CDH18: variants seen among roughly 807,000 people sequenced by gnomAD.
CDH18 encodes the protein cadherin-18.
In CDH18, 31 loss-of-function variants were observed where a neutral mutation model predicts 67.9. The ratio of observed to expected loss-of-function variants is 0.46; its 90% CI spans 0.34 to 0.62. The LOEUF (loss-of-function observed/expected upper bound fraction) is 0.62. CDH18 is among the 20% of genes least tolerant of loss of function. The pLI, the probability that CDH18 is intolerant of heterozygous loss-of-function variation, is 0.01. For missense variants in CDH18, 890 were observed against 975.5 expected (o/e 0.91, Z 1.17); for synonymous variants, 362 against 347.2 (o/e 1.04, Z -0.48).
chr5:20,485,888 T>C (rs115686548), intron 1 of CDH18, among the ~76,000 whole-genome samples: 145 of 152,284 alleles, frequency 9.5e-4, no homozygotes, highest in African/African-American at 3.3e-3. Flanking sequence ...TAAACCAGGC[T>C]ATTTTGAAGT....
chr5:20,539,017 T>G (rs1023216965), intron 1 of CDH18, among the ~76,000 whole-genome samples: 1 of 146,400 alleles, frequency 6.8e-6, no homozygotes, highest in East Asian at 2.2e-4. Flanking sequence ...TACTCCCAAG[T>G]AGCTGGGATT....
At chr5:19,694,488 T>C (rs1000315972) in intron 5 of CDH18, among the ~76,000 whole-genome samples, 15 of 152,194 alleles carry the variant, frequency 9.9e-5, no homozygotes, top group African/African-American at 3.4e-4. Context: ...GGACATGTCT[T>C]AAATCACACT....
intron 2 of CDH18, among the ~76,000 whole-genome samples, chr5:20,029,260 T>G (rs1173940202): frequency 6.6e-6 from 1 of 152,152 alleles, no homozygotes. Context: ...AGGTGATTGT[T>G]GCAAAGTTCA....
Position 19,483,409 on chromosome 5 carries a change from C to G in CDH18, c.1774G>C (p.Glu592Gln), listed in dbSNP as rs544232876. 6 of 1,614,074 alleles carry G rather than the reference C, an allele frequency of 3.7e-6. No homozygotes were observed. In the South Asian group the frequency reaches 5.5e-5, roughly 15 times the overall value. The part of the protein sequence containing the change: ...STLTIRVCAC[E>Q]RDGRVRTCHA... ...CAGGTCCGCACACGCCCATCTCTCTCGCATGCACAAACCCTGATGGTGAGG... is the reference window on the plus strand; with the variant it reads ...CAGGTCCGCACACGCCCATCTCTCTGGCATGCACAAACCCTGATGGTGAGG... The change falls in exon 12 of 13, where the codon GAG becomes CAG. Residue 592 changes from glutamate (E) to glutamine (Q), a missense_variant. Physicochemically the swap from Glu to Gln is conservative, Grantham distance 29. Coordinates refer to ENST00000382275, the MANE Select transcript of CDH18 (RefSeq NM_004934.5).
chr5:19,948,877 T>C (rs1462148357), intron 2 of CDH18, among the ~76,000 whole-genome samples: 2 of 152,164 alleles, frequency 1.3e-5, no homozygotes, highest in Non-Finnish European at 2.9e-5. Flanking sequence ...TGCCCAGAGT[T>C]TGCTCAAGAA....
chr5:20,536,341 CT>C (rs1323721880), intron 1 of CDH18, among the ~76,000 whole-genome samples: 2 of 152,002 alleles, frequency 1.3e-5, no homozygotes, highest in Non-Finnish European at 2.9e-5. Context: ...TGGTGTTCTT[CT>C]GTATTTTTAT....
intron 5 of CDH18, among the ~76,000 whole-genome samples, chr5:19,622,202 G>A (rs1346842315): frequency 2.0e-5 from 3 of 152,156 alleles, no homozygotes; most frequent in Non-Finnish European, 4.4e-5. Flanking sequence ...GGTCCGCATT[G>A]TAGGGAATTT....
At position 19,727,937 on chromosome 5, in the gene CDH18, G is replaced by A. The variant is rs116739866; in HGVS notation, c.524-6471C>T. On this transcript the variant is annotated intron_variant, in intron 4 of 12. Transcript: ENST00000382275. The stretch of plus-strand genomic sequence containing the variant: ...ACTTTAATAAAGAATTTTATCACTC[G>A]TTAAAAGTTCAAGTGAAACGGATTA... 8.2e-3 allele frequency among the ~76,000 whole-genome samples: 1,244 copies of A among 152,094 alleles called. 9 individuals are homozygous for A. The highest frequency in any genetic ancestry group is 0.013 in the Non-Finnish European group (882 of 67,988).
intron 5 of CDH18, among the ~76,000 whole-genome samples, chr5:19,707,196 G>A (rs1318981258): frequency 6.6e-6 from 1 of 152,072 alleles, no homozygotes; most frequent in African/African-American, 2.4e-5. Context: ...CATTGCTCAA[G>A]TTCATGCTGA....
In CDH18 at chr5:20,270,178, C is replaced by T. The variant is rs571338920; in HGVS notation, c.-579-14673G>A. Among the ~76,000 whole-genome samples the T allele has an allele frequency of 2.6e-5, 4 of 151,590 alleles. No individual in the cohort carries two copies. The South Asian group carries it at 6.2e-4, about 24-fold the overall frequency. On this transcript the variant is annotated intron_variant, in intron 1 of 14. Transcript: ENST00000507958. ...TTGTTTAAAAAAAAAAGAATAAAGA[C>T]ATAAATCACCTAGTTGCAATGTGAA...
At chr5:19,609,072 A>C (rs895318250) in intron 6 of CDH18, among the ~76,000 whole-genome samples, 9 of 151,998 alleles carry the variant, frequency 5.9e-5, no homozygotes, top group African/African-American at 2.2e-4. Flanking sequence ...GTTATGCAAC[A>C]ACCATAACCC....
At chr5:19,562,908 A>G (rs139839448) in intron 8 of CDH18, among the ~76,000 whole-genome samples, 126 of 152,272 alleles carry the variant, frequency 8.3e-4, no homozygotes, top group African/African-American at 3.0e-3. Flanking sequence ...AGGGACTCCA[A>G]CTTTTTTTAT....
intron 2 of CDH18, among the ~76,000 whole-genome samples, chr5:20,128,467 T>C (rs1749005827): frequency 6.6e-6 from 1 of 152,084 alleles, no homozygotes. Context: ...CCATGGAGCT[T>C]ATCTTTACAG....
chr5:19,561,656 T>G (rs1020916423), intron 8 of CDH18, among the ~76,000 whole-genome samples: 10 of 152,092 alleles, frequency 6.6e-5, no homozygotes, highest in African/African-American at 2.4e-4. Flanking sequence ...CCTATTGAAT[T>G]TTTTTTAAAT....
At chr5:20,464,562 C>G (rs531204081) in intron 1 of CDH18, among the ~76,000 whole-genome samples, 1 of 152,160 alleles carries the variant, frequency 6.6e-6, no homozygotes, top group Non-Finnish European at 1.5e-5. Context: ...ATGAAAAAGA[C>G]ATAGTGGGAA....
chr5:20,002,516 C>T (rs1736530733), intron 2 of CDH18, among the ~76,000 whole-genome samples: 1 of 152,032 alleles, frequency 6.6e-6, no homozygotes. Context: ...TAATTTACCT[C>T]TTAGAGTATG....
intron 2 of CDH18, among the ~76,000 whole-genome samples, chr5:19,939,235 T>C (rs752132023): frequency 1.5e-4 from 22 of 151,486 alleles, no homozygotes; most frequent in Non-Finnish European, 3.0e-4. Context: ...CAGTTAATAA[T>C]TATACTTTTT....
chr5:20,341,386 G>A (rs550499758), intron 1 of CDH18, among the ~76,000 whole-genome samples: 5 of 152,050 alleles, frequency 3.3e-5, no homozygotes, highest in South Asian at 4.2e-4. Context: ...TCTAACATTG[G>A]ACTCCAAGTT....
intron 1 of CDH18, among the ~76,000 whole-genome samples, chr5:20,361,026 A>G (rs1742048486): frequency 6.6e-6 from 1 of 152,126 alleles, no homozygotes; most frequent in Non-Finnish European, 1.5e-5. Context: ...TGAAGTATAC[A>G]TATAAATAGA....
Sources: allele counts gnomAD v4.1 joint callset (sites outside exome capture counted in the v4.1 genomes callset), GRCh38; gene constraint gnomAD v4.1.1; transcripts MANE v1.5; gene names NCBI Gene and HGNC (gene_info 2026-07-23, HGNC 2026-07-21).